EPHX4: variants seen among roughly 807,000 people sequenced by gnomAD.
EPHX4 encodes abhydrolase domain containing 7.
EPHX4 carries 31 observed loss-of-function variants against 44.9 expected under a neutral mutation model. The ratio of observed to expected loss-of-function variants is 0.69; its 90% confidence interval spans 0.52 to 0.93. The LOEUF is 0.93. Ranked by LOEUF, EPHX4 falls within the 40% of genes least tolerant of loss-of-function variation. The pLI is 0.00. For missense variants in EPHX4, 373 were observed against 438.1 expected (o/e 0.85, Z 1.33); for synonymous variants, 151 against 159.7 (o/e 0.95, Z 0.41).
chr1:92,059,206 C>G (rs1647436298), intron 6 of EPHX4, among the ~76,000 whole-genome samples: 1 of 152,150 alleles, frequency 6.6e-6, no homozygotes, highest in Non-Finnish European at 1.5e-5. Flanking sequence ...GAGGCCAAGG[C>G]AGGTGGATCG....
intron 6 of EPHX4, among the ~76,000 whole-genome samples, chr1:92,058,730 G>A (rs763060673): frequency 5.3e-5 from 8 of 152,090 alleles, no homozygotes; most frequent in Non-Finnish European, 1.0e-4. Context: ...CTGGTTATTT[G>A]CACCTGGAGA....
chr1:92,036,819 G>T (rs965393519), intron 2 of EPHX4, among the ~76,000 whole-genome samples: 16 of 152,148 alleles, frequency 1.1e-4, no homozygotes, highest in African/African-American at 3.4e-4. Flanking sequence ...GAGATTGTTG[G>T]TAATCAGATA....
chr1:92,031,625 C>T (rs1189964290), intron 1 of EPHX4, among the ~76,000 whole-genome samples: 2 of 152,176 alleles, frequency 1.3e-5, no homozygotes, highest in Non-Finnish European at 2.9e-5. Context: ...GATTCTTTCA[C>T]ATCTGAAAAC....
At chr1:92,045,179 T>G (rs1387536573) in intron 3 of EPHX4, among the ~76,000 whole-genome samples, 1 of 151,730 alleles carries the variant, frequency 6.6e-6, no homozygotes, top group Non-Finnish European at 1.5e-5. Flanking sequence ...TGGGGGGAGG[T>G]CTTGCTATGT....
At chr1:92,047,280 G>T (rs1460220960) in intron 4 of EPHX4, among the ~76,000 whole-genome samples, 1 of 152,034 alleles carries the variant, frequency 6.6e-6, no homozygotes, top group East Asian at 1.9e-4. Flanking sequence ...GTGGTGGTGT[G>T]CACCTGTAGT....
intron 6 of EPHX4, among the ~76,000 whole-genome samples, chr1:92,060,001 AC>A (rs900919717): frequency 5.1e-5 from 7 of 136,834 alleles, no homozygotes; most frequent in Non-Finnish European, 1.1e-4. Context: ...GGTATGAGCC[AC>A]CCTGCCCCAC....
Position 92,045,632 on chromosome 1 carries a change from T to G in EPHX4, c.576T>G (p.Ile192Met). 2 of 1,614,042 alleles carry G rather than the reference T, an allele frequency of 1.2e-6. No individual in the cohort carries two copies. Among genetic ancestry groups the G allele is most frequent in the South Asian group, 1.1e-5 (1 of 91,074 alleles). The part of the protein sequence containing the change: ...YPEMVMKLIV[I>M]NFPHPNVFTE... ...AAATGGTGATGAAGCTTATTGTTAT[T>G]AACTTCCCTCATCCAAATGTATTTA... Residue 192 changes from isoleucine (I) to methionine (M), a missense_variant, in exon 4 of 7, where the codon ATT becomes ATG. By Grantham distance (10) the Ile-to-Met change is conservative (BLOSUM62 1). Transcript: ENST00000370383.
chr1:92,032,924 A>G (rs1043800667), intron 2 of EPHX4, among the ~76,000 whole-genome samples: 2 of 152,024 alleles, frequency 1.3e-5, no homozygotes, highest in African/African-American at 4.8e-5. Context: ...TACTGTTACA[A>G]TGGCAATTTT....
At chr1:92,034,788 C>T (rs576289819) in intron 2 of EPHX4, among the ~76,000 whole-genome samples, 7 of 151,806 alleles carry the variant, frequency 4.6e-5, no homozygotes, top group Admixed American at 1.3e-4. Flanking sequence ...ATTACAAGTG[C>T]GCACCACACC....
Position 92,063,446 on chromosome 1 carries a change from A to G in EPHX4, c.*160A>G. ...ATGGTATTGAAAAAAATCTGAGATCATGTGAACATATAATACAATGTTGAT... is the reference window on the plus strand; with the variant it reads ...ATGGTATTGAAAAAAATCTGAGATCGTGTGAACATATAATACAATGTTGAT... On this transcript the variant is annotated 3_prime_UTR_variant, in exon 7 of 7. Coordinates refer to ENST00000370383, the MANE Select transcript of EPHX4 (RefSeq NM_173567.5). 1.8e-6 allele frequency: 1 copy of G among 568,030 alleles called. No individual in the cohort carries two copies. Among genetic ancestry groups the G allele is most frequent in the Non-Finnish European group, 3.0e-6 (1 of 330,636 alleles). 35.2% of individuals were successfully genotyped at this position (568,030 alleles called of 1,614,324 possible).
intron 3 of EPHX4, among the ~76,000 whole-genome samples, chr1:92,044,889 C>T (rs530485196): frequency 6.6e-6 from 1 of 152,222 alleles, no homozygotes; most frequent in South Asian, 2.1e-4. Flanking sequence ...AAACTCAGGT[C>T]CATGGGACCA....
At chr1:92,041,586 C>T (rs1162959165) in intron 2 of EPHX4, among the ~76,000 whole-genome samples, 5 of 152,168 alleles carry the variant, frequency 3.3e-5, no homozygotes, top group African/African-American at 1.2e-4. Flanking sequence ...GCCAGATAAG[C>T]ATTCAGATGT....
chr1:92,054,587 CAA>C (rs745316500), intron 6 of EPHX4, among the ~76,000 whole-genome samples: 1 of 54,668 alleles, frequency 1.8e-5, no homozygotes, highest in Non-Finnish European at 4.0e-5. Flanking sequence ...GACTCCATCT[CAA>C]AAAAAAAAAA....
chr1:92,037,574 A>G (rs7355067), intron 2 of EPHX4, among the ~76,000 whole-genome samples: 78,160 of 152,010 alleles, frequency 0.51, 20,764 homozygotes, highest in African/African-American at 0.66. Context: ...GTCTCCAGCT[A>G]TATGGAATGC....
At chr1:92,062,954 G>C in intron 6 of EPHX4, 101 bp from the exon 7 acceptor site, 1 of 1,009,154 alleles carries the variant, frequency 9.9e-7, no homozygotes, top group Non-Finnish European at 1.5e-6. Context: ...TTAGAGGCAA[G>C]ATTGCTCACT....
intron 3 of EPHX4, among the ~76,000 whole-genome samples, chr1:92,044,949 C>A (rs191476392): frequency 2.6e-5 from 4 of 151,870 alleles, no homozygotes; most frequent in South Asian, 4.2e-4. Flanking sequence ...TTCTTTTGTA[C>A]CCCCCCACAC....
intron 2 of EPHX4, among the ~76,000 whole-genome samples, chr1:92,041,974 G>A (rs1279155195): frequency 6.6e-6 from 1 of 152,138 alleles, no homozygotes; most frequent in South Asian, 2.1e-4. Context: ...GCTTGAACCC[G>A]GGAGGCAGAG....
At chr1:92,037,287 G>A (rs1688452780) in intron 2 of EPHX4, among the ~76,000 whole-genome samples, 1 of 152,112 alleles carries the variant, frequency 6.6e-6, no homozygotes. Context: ...ACATATTATC[G>A]CATTTATCAT....
chr1:92,050,541 T>C (rs114058100), intron 5 of EPHX4, 121 bp downstream of exon 5: 2 of 592,622 alleles, frequency 3.4e-6, no homozygotes, highest in Non-Finnish European at 5.5e-6. Flanking sequence ...TTAAATGGTT[T>C]TAAGAACTTA....
Sources: allele counts gnomAD v4.1 joint callset (sites outside exome capture counted in the v4.1 genomes callset), GRCh38; gene constraint gnomAD v4.1.1; transcripts MANE v1.5; gene names NCBI Gene and HGNC (gene_info 2026-07-23, HGNC 2026-07-21).